ARHGEF7: variants seen among roughly 807,000 people sequenced by gnomAD.
ARHGEF7 encodes the protein Rho guanine nucleotide exchange factor 7, also known as PAK-interacting exchange factor beta.
A neutral mutation model predicts 109.8 loss-of-function variants in ARHGEF7; 33 were observed. That is an observed-to-expected ratio of 0.30 (90% CI 0.23 to 0.40). The LOEUF (loss-of-function observed/expected upper bound fraction) is 0.40, where lower values mean the gene tolerates loss of function less well. Ranked by LOEUF, ARHGEF7 falls within the 10% of genes least tolerant of loss-of-function variation. ARHGEF7 has a pLI of 1.00. For synonymous variants in ARHGEF7, 458 were observed against 424.6 expected, an observed-to-expected ratio of 1.08 and a Z score of -0.97; for missense variants, 938 against 1,098.5, an observed-to-expected ratio of 0.85 and a Z score of 2.07.
chr13:111,262,392 G>A (rs919358122), intron 8 of ARHGEF7, among the ~76,000 whole-genome samples: 5 of 151,834 alleles, frequency 3.3e-5, no homozygotes, highest in African/African-American at 4.9e-5. Flanking sequence ...CAGGGGCCCC[G>A]TGTCCCTGTG....
intron 8 of ARHGEF7, among the ~76,000 whole-genome samples, chr13:111,264,582 T>G (rs1266705144): frequency 2.6e-5 from 4 of 152,114 alleles, no homozygotes; most frequent in Non-Finnish European, 5.9e-5. Flanking sequence ...TCCGTGCAGG[T>G]AACTGTTGTG....
At chr13:111,238,719 T>A (rs2087213583) in intron 6 of ARHGEF7, among the ~76,000 whole-genome samples, 1 of 151,806 alleles carries the variant, frequency 6.6e-6, no homozygotes, top group Non-Finnish European at 1.5e-5. Context: ...AGAATGATGG[T>A]CTGGAGTTGC....
chr13:111,283,313 C>T lies in ARHGEF7; in HGVS notation c.1900C>T (p.Leu634=). ...ACCCAAGCCCTGGAGCCTGAGCTGCCTGCGGCCCGCGCCTCCCCTCCGGCC... is the reference window on the plus strand; with the variant it reads ...ACCCAAGCCCTGGAGCCTGAGCTGCTTGCGGCCCGCGCCTCCCCTCCGGCC... ...KTPKPWSLSC[L]RPAPPLRPSA... Residue 634 remains leucine, a synonymous_variant, in exon 16 of 22, where the codon CTG becomes TTG. Transcript: ENST00000646102. The T allele has an allele frequency of 6.4e-7, 1 of 1,566,216 alleles. No homozygotes were observed. The highest frequency in any genetic ancestry group is 8.6e-7 in the Non-Finnish European group (1 of 1,159,906).
intron 1 of ARHGEF7, among the ~76,000 whole-genome samples, chr13:111,137,151 A>C (rs993937138): frequency 1.3e-5 from 2 of 152,240 alleles, no homozygotes; most frequent in Non-Finnish European, 2.9e-5. Context: ...TTCACAGCCA[A>C]ATTCTACCAG....
chr13:111,227,347 A>G (rs1223702254), intron 5 of ARHGEF7, among the ~76,000 whole-genome samples: 1 of 152,194 alleles, frequency 6.6e-6, no homozygotes, highest in African/African-American at 2.4e-5. Context: ...TGATACTGGC[A>G]CACTTCATTG....
At chr13:111,291,958 G>T (rs2093301839) in intron 18 of ARHGEF7, among the ~76,000 whole-genome samples, 160 bp from the exon 19 acceptor site, 1 of 152,174 alleles carries the variant, frequency 6.6e-6, no homozygotes, top group Non-Finnish European at 1.5e-5. Context: ...CCGTATATAA[G>T]GAAAAATATG....
chr13:111,304,874 A>T lies in ARHGEF7; in HGVS notation c.*1761A>T, dbSNP rs2093626576. 3.9e-5 allele frequency: 6 copies of T among 152,346 alleles called. No homozygotes were observed. The South Asian group carries it at 1.2e-3, about 32-fold the overall frequency. The allele number at this position is 152,346 out of a possible 1,614,324, so 9.4% of individuals were successfully genotyped here. The stretch of plus-strand genomic sequence containing the variant: ...AACACTTTCTTTTTTGGTAAGCTTG[A>T]GTTTTACAAGTTATTTTTTGGTGAT... On this transcript the variant is annotated 3_prime_UTR_variant, in exon 22 of 22. Coordinates refer to ENST00000646102, the MANE Select transcript of ARHGEF7 (RefSeq NM_001354046.2).
At chr13:111,298,632 A>G (rs559581648) in intron 19 of ARHGEF7, among the ~76,000 whole-genome samples, 137 of 152,206 alleles carry the variant, frequency 9.0e-4, no homozygotes, top group Non-Finnish European at 1.5e-3. Flanking sequence ...CGTTTTTCTG[A>G]AATCATATCT....
chr13:111,115,743 G>T (rs896021918), intron 1 of ARHGEF7, 52 bp downstream of exon 1: 23 of 1,057,034 alleles, frequency 2.2e-5, no homozygotes, highest in Non-Finnish European at 2.6e-5. Context: ...GCCCGCTGCG[G>T]CCCGGGATGC....
In ARHGEF7 at chr13:111,203,284, T is replaced by G. The variant is rs546832177; in HGVS notation, c.253-2005T>G. 2.6e-5 allele frequency among the ~76,000 whole-genome samples: 4 copies of G among 152,372 alleles called. No individual in the cohort carries two copies. The South Asian group carries it at 8.3e-4, about 32-fold the overall frequency. ...GAAGAGAAATTTTATGTTTTGCATA[T>G]AAGGAAGCTGAGGCCTATTTAATTC... On this transcript the variant is annotated intron_variant, in intron 2 of 21. Transcript: ENST00000646102.
rs529086988 is a variant in ARHGEF7, at chr13:111,219,233, G to A, written c.670+1353G>A. Among the ~76,000 whole-genome samples the A allele has an allele frequency of 7.0e-4, 106 of 152,228 alleles. 1 individual carries two copies. In the South Asian group the frequency reaches 0.015, roughly 22 times the overall value. The stretch of plus-strand genomic sequence containing the variant: ...CTTTCTGTCTCTGAATTTGATTACC[G>A]TTGGTGCTTCGTGTAAGTGCAGTCA... On this transcript the variant is annotated intron_variant, in intron 5 of 21. Transcript: ENST00000646102.
chr13:111,271,195 G>C (rs2153591534), intron 9 of ARHGEF7, among the ~76,000 whole-genome samples: 1 of 152,326 alleles, frequency 6.6e-6, no homozygotes, highest in South Asian at 2.1e-4. Context: ...ATGGTGAGCA[G>C]TCCTGTGGCT....
At chr13:111,216,630 G>A (rs542788054) in intron 4 of ARHGEF7, among the ~76,000 whole-genome samples, 3 of 152,272 alleles carry the variant, frequency 2.0e-5, no homozygotes, top group South Asian at 2.1e-4. Context: ...TGCTGATGTC[G>A]CTGGTGTTCC....
At chr13:111,198,892 CTGAT>C in intron 2 of ARHGEF7, among the ~76,000 whole-genome samples, 1 of 139,866 alleles carries the variant, frequency 7.1e-6, no homozygotes, top group East Asian at 1.9e-4. Context: ...ACACAGAGCT[CTGAT>C]TGGTGCATTT....
chr13:111,220,249 C>A (rs939350454), intron 5 of ARHGEF7, among the ~76,000 whole-genome samples: 1 of 152,212 alleles, frequency 6.6e-6, no homozygotes, highest in African/African-American at 2.4e-5. Flanking sequence ...GGACCTCGTT[C>A]GTTGCTCACC....
In ARHGEF7 at chr13:111,255,297, C is replaced by G. The variant is rs1285424924; in HGVS notation, c.950+11003C>G. On this transcript the variant is annotated intron_variant, in intron 8 of 21. Transcript: ENST00000646102. This position sits in a 1 kb window ranked among gnomAD's most constrained non-coding sequence, Gnocchi z 4.1. ...GGAGGGTGGAAGCGGATACTGGGAG[C>G]TGCAGACTTCCCACCCGGCCTACTG... Among the ~76,000 whole-genome samples the G allele has an allele frequency of 3.3e-5, 5 of 152,324 alleles. No individual in the cohort carries two copies. The East Asian group carries it at 9.6e-4, about 29-fold the overall frequency.
chr13:111,181,274 T>G (rs7323757), intron 2 of ARHGEF7, among the ~76,000 whole-genome samples: 40,253 of 152,056 alleles, frequency 0.26, 5,560 homozygotes, highest in South Asian at 0.38. Flanking sequence ...GGTAAATTTG[T>G]GTATTAAGGG....
At chr13:111,217,600 C>A in intron 4 of ARHGEF7, 79 bp from the exon 5 acceptor site, 1 of 1,317,326 alleles carries the variant, frequency 7.6e-7, no homozygotes, top group Non-Finnish European at 1.1e-6. Flanking sequence ...TACCTTTGTA[C>A]TAGTAAAGTA....
At chr13:111,211,740 G>C (rs1011469421) in intron 4 of ARHGEF7, among the ~76,000 whole-genome samples, 5 of 152,042 alleles carry the variant, frequency 3.3e-5, no homozygotes, top group African/African-American at 4.8e-5. Flanking sequence ...TAGTTTTCTT[G>C]GATTAAAAAT....
Sources: gnomAD v4.1 joint callset for allele counts (sites outside exome capture counted in the v4.1 genomes callset) on GRCh38, gnomAD v4.1.1 for gene constraint, Gnocchi (gnomAD v3.1) non-coding constraint, MANE v1.5 for transcripts, NCBI Gene and HGNC (gene_info 2026-07-23, HGNC 2026-07-21) for gene names.